Variants in CD101 observed in about 807,000 individuals in gnomAD.
CD101 encodes the protein CD101 molecule.
In CD101, 76 loss-of-function variants were observed where a neutral mutation model predicts 98.2. That is an observed-to-expected ratio of 0.77 (90% CI 0.64 to 0.94). The LOEUF is 0.94. Ranked by LOEUF, CD101 falls within the 40% of genes least tolerant of loss-of-function variation. CD101 has a pLI of 0.00. For synonymous variants in CD101, 471 were observed against 472.7 expected, an observed-to-expected ratio of 1.00 and a Z score of 0.05; for missense variants, 1,145 against 1,218.8, an observed-to-expected ratio of 0.94 and a Z score of 0.90.
At chr1:117,030,722 C>A (rs573592777) in intron 8 of CD101, among the ~76,000 whole-genome samples, 152 of 152,334 alleles carry the variant, frequency 1.0e-3, no homozygotes, top group Middle Eastern at 3.4e-3. Flanking sequence ...CTGGGATGCA[C>A]TTGTTATCAG....
intron 5 of CD101, 24 bp downstream of exon 5, chr1:117,017,497 T>C (rs1213398455): frequency 6.3e-7 from 1 of 1,584,656 alleles, no homozygotes; most frequent in Admixed American, 1.7e-5. Context: ...GAAGTCCTTT[T>C]CTGCACCTGT....
Position 117,006,684 on chromosome 1 carries a change from C to T in CD101, c.44-3166C>T, listed in dbSNP as rs1662051246. 6.6e-6 allele frequency among the ~76,000 whole-genome samples: 1 copy of T among 152,152 alleles called. No homozygotes were observed. Among genetic ancestry groups the T allele is most frequent in the African/African-American group, 2.4e-5 (1 of 41,520 alleles). On this transcript the variant is annotated intron_variant, in intron 1 of 9. Coordinates refer to ENST00000682167, the MANE Select transcript of CD101 (RefSeq NM_001256106.3). This position sits in a 1 kb window ranked among gnomAD's most constrained non-coding sequence, Gnocchi z 4.4. ...CCAAAATCCATTTCTAATGCCATCT[C>T]TTATGCCATCTCCATAAACCTATTT...
rs1317713884 is a variant in CD101 at position 117,025,709 on chromosome 1, G to T, written c.2629G>T (p.Gly877Trp). The change falls in exon 8 of 10, where the codon GGG becomes TGG. Residue 877 changes from glycine (G) to tryptophan (W), a missense_variant. By Grantham distance (184) the Gly-to-Trp change is radical. Transcript: ENST00000682167. ...HDGLLEYGEE[G>W]LRRHLHCYRS... ...TGGCTTGCTGGAGTATGGGGAAGAG[G>T]GGCTCAGGAGGCACCTGCACTGTTA... 24 of 1,614,148 alleles carry T rather than the reference G, an allele frequency of 1.5e-5. No individual in the cohort carries two copies. Among genetic ancestry groups the T allele is most frequent in the Non-Finnish European group, 2.0e-5 (24 of 1,180,028 alleles).
At position 117,033,931 on chromosome 1, in the gene CD101, C is replaced by T. The variant is rs143185342; in HGVS notation, c.2896C>T (p.Leu966=). 6.2e-7 allele frequency: 1 copy of T among 1,614,198 alleles called. No individual in the cohort carries two copies. The highest frequency in any genetic ancestry group is 1.3e-5 in the African/African-American group (1 of 75,044). The change falls in exon 9 of 10, where the codon CTG becomes TTG. Residue 966 remains leucine (L), a synonymous_variant. Coordinates refer to ENST00000682167, the MANE Select transcript of CD101 (RefSeq NM_001256106.3). The surrounding 1 kb of genome is among the most constrained non-coding windows in gnomAD (Gnocchi z 4.8). ...TTTCCTGTTCATCTGTCCCTTCGTC[C>T]TGCTCCTCCTTCTGCTCATCTCCCT... is the stretch of plus-strand genomic sequence containing the variant. ...LYFLFICPFV[L]LLLLLISLLC...
chr1:117,011,335 A>T (rs147426818), intron 2 of CD101, among the ~76,000 whole-genome samples: 17 of 152,302 alleles, frequency 1.1e-4, no homozygotes, highest in African/African-American at 4.1e-4. Context: ...CAACACATTG[A>T]TGAGGCATTT....
chr1:117,003,527 T>C (rs1299209522), intron 1 of CD101, among the ~76,000 whole-genome samples: 2 of 152,198 alleles, frequency 1.3e-5, no homozygotes, highest in Non-Finnish European at 2.9e-5. Context: ...TTGGTTAAGT[T>C]GTCTGAGTGT....
Position 117,021,761 on chromosome 1 carries a change from A to AT in CD101, c.2207dup (p.Thr738AsnfsTer4). 6.2e-7 allele frequency: 1 copy of AT among 1,614,040 alleles called. No individual in the cohort carries two copies. Among genetic ancestry groups the AT allele is most frequent in the Non-Finnish European group, 8.5e-7 (1 of 1,179,972 alleles). ...CCTGGAGATGGACCAAACCAATGTT[A>AT]TAAAAACTGGGGATGAGTTTCACAC... On this transcript the variant is annotated frameshift_variant, in exon 7 of 10. Coordinates refer to ENST00000682167, the MANE Select transcript of CD101 (RefSeq NM_001256106.3). LOFTEE classifies it high-confidence loss of function. The surrounding 1 kb of genome is among the most constrained non-coding windows in gnomAD (Gnocchi z 4.7).
In CD101 at chr1:117,018,698, TGATACCCAGGTTAACATTGA is replaced by T. The variant is rs1308093188; in HGVS notation, c.2017+140_2017+159del. ...ATCTAAGTAAGCACCACATGATGAA[TGATACCCAGGTTAACATTGA>T]GTTAGTATGCATGGGTTGGCCATAC... On this transcript the variant is annotated intron_variant, in intron 6 of 9. Transcript: ENST00000682167. The surrounding 1 kb of genome is among the most constrained non-coding windows in gnomAD (Gnocchi z 4.3). 1 of 798,110 alleles carries T rather than the reference TGATACCCAGGTTAACATTGA, an allele frequency of 1.3e-6. No homozygotes were observed. Among genetic ancestry groups the T allele is most frequent in the African/African-American group, 1.7e-5 (1 of 57,440 alleles). The allele number at this position is 798,110 out of a possible 1,614,324, so 49.4% of individuals were successfully genotyped here.
In CD101 at chr1:117,036,281, T is replaced by C. The variant is rs933851712; in HGVS notation, c.*147T>C. ...AACTTCTAGATGAACCCAAGTGAACTTTCCTCATTACCATCCTGAAGTCAC... is the reference window on the plus strand; with the variant it reads ...AACTTCTAGATGAACCCAAGTGAACCTTCCTCATTACCATCCTGAAGTCAC... On this transcript the variant is annotated 3_prime_UTR_variant, in exon 10 of 10. Transcript: ENST00000682167. The surrounding 1 kb of genome is among the most constrained non-coding windows in gnomAD (Gnocchi z 5.0). The C allele has an allele frequency of 5.3e-5, 8 of 152,234 alleles. No homozygotes were observed. Among genetic ancestry groups the C allele is most frequent in the African/African-American group, 1.9e-4 (8 of 41,430 alleles). 9.4% of individuals were successfully genotyped at this position (152,234 alleles called of 1,614,324 possible).
In CD101 at chr1:117,025,614, T is replaced by C; in HGVS notation, c.2534T>C (p.Leu845Pro). ...GAGAGTGTAGGCAGCTCAGCCACTC[T>C]GTACTCTGTGATGTGGTACTGGAAC... ...SLESVGSSAT[L>P]YSVMWYWNRE... The change falls in exon 8 of 10, where the codon CTG becomes CCG. Residue 845 changes from leucine (L) to proline (P), a missense_variant. Coordinates refer to ENST00000682167, the MANE Select transcript of CD101 (RefSeq NM_001256106.3). The C allele has an allele frequency of 3.1e-6, 5 of 1,614,122 alleles. No individual in the cohort carries two copies. Among genetic ancestry groups the C allele is most frequent in the Non-Finnish European group, 4.2e-6 (5 of 1,180,044 alleles).
intron 8 of CD101, chr1:117,026,240 C>T (rs1292444702): frequency 4.5e-6 from 1 of 222,098 alleles, no homozygotes; most frequent in African/African-American, 2.3e-5. Context: ...GGGGTGTGGT[C>T]TTGGTGCCAG....
In CD101 at chr1:117,022,141, C is replaced by T. The variant is rs368245791; in HGVS notation, c.2428+158C>T. On this transcript the variant is annotated intron_variant, in intron 7 of 9. Coordinates refer to ENST00000682167, the MANE Select transcript of CD101 (RefSeq NM_001256106.3). The surrounding 1 kb of genome is among the most constrained non-coding windows in gnomAD (Gnocchi z 4.8). ...CATGACTGCAAGACCGAGTAGTCCA[C>T]CAAAGGAGGGGAGGTCACTTAAGGC... Among the ~76,000 whole-genome samples, 3 of 152,092 alleles carry T rather than the reference C, an allele frequency of 2.0e-5. No individual in the cohort carries two copies. The highest frequency in any genetic ancestry group is 7.2e-5 in the African/African-American group (3 of 41,410).
chr1:117,017,648 G>A (rs1653321700), intron 5 of CD101, among the ~76,000 whole-genome samples, 175 bp downstream of exon 5: 3 of 152,132 alleles, frequency 2.0e-5, no homozygotes, highest in Admixed American at 2.0e-4. Flanking sequence ...CTTCATTTTT[G>A]TAAAGATCAT....
At position 117,005,591 on chromosome 1, in the gene CD101, A is replaced by C. The variant is rs1426187057; in HGVS notation, c.43+3731A>C. Among the ~76,000 whole-genome samples the C allele has an allele frequency of 6.6e-6, 1 of 152,010 alleles. No individual in the cohort carries two copies. Among genetic ancestry groups the C allele is most frequent in the African/African-American group, 2.4e-5 (1 of 41,354 alleles). ...CCCTCCATCTAACTCTTCCCTCTGTAAGTTTTGTTCCTTATCCCATCCCCT... is the reference window on the plus strand; with the variant it reads ...CCCTCCATCTAACTCTTCCCTCTGTCAGTTTTGTTCCTTATCCCATCCCCT... On this transcript the variant is annotated intron_variant, in intron 1 of 9. Coordinates refer to ENST00000682167, the MANE Select transcript of CD101 (RefSeq NM_001256106.3). The surrounding 1 kb of genome is among the most constrained non-coding windows in gnomAD (Gnocchi z 4.4).
chr1:117,021,988 AC>A lies in CD101; in HGVS notation c.2428+7del, dbSNP rs764623653. ...AATTGAAACTCAAGCCCACAGGTAA[AC>A]CTTGCGAGTGTATCCTCACAATGTC... On this transcript the variant is annotated splice_donor_region_variant and intron_variant, in intron 7 of 9. Transcript: ENST00000682167. This position sits in a 1 kb window ranked among gnomAD's most constrained non-coding sequence, Gnocchi z 4.7. 6.3e-7 allele frequency: 1 copy of A among 1,596,680 alleles called. No individual in the cohort carries two copies. Among genetic ancestry groups the A allele is most frequent in the Non-Finnish European group, 8.5e-7 (1 of 1,171,918 alleles).
At position 117,018,415 on chromosome 1, in the gene CD101, A is replaced by C; in HGVS notation, c.1872A>C (p.Gln624His). Reference sequence around the variant, plus strand: ...TGTCGCAGTCTTTATTTCGTTCACAACTCCTAGTCCATGATGCCACTGAGG... The same window carrying C: ...TGTCGCAGTCTTTATTTCGTTCACACCTCCTAGTCCATGATGCCACTGAGG... ...TKVSQSLFRSQLLVHDATEEE... is the reference protein window; with the variant it reads ...TKVSQSLFRSHLLVHDATEEE... Residue 624 changes from glutamine to histidine, a missense_variant, in exon 6 of 10, where the codon CAA becomes CAC. Coordinates refer to ENST00000682167, the MANE Select transcript of CD101 (RefSeq NM_001256106.3). The surrounding 1 kb of genome is among the most constrained non-coding windows in gnomAD (Gnocchi z 4.3). 2 of 1,614,016 alleles carry C rather than the reference A, an allele frequency of 1.2e-6. No individual in the cohort carries two copies. The highest frequency in any genetic ancestry group is 1.7e-6 in the Non-Finnish European group (2 of 1,179,992).
At chr1:117,003,072 G>C (rs183765872) in intron 1 of CD101, among the ~76,000 whole-genome samples, 1 of 152,158 alleles carries the variant, frequency 6.6e-6, no homozygotes, top group Non-Finnish European at 1.5e-5. Context: ...AACCTGGGAG[G>C]TGGAGGTTGC....
At chr1:117,011,445 C>T in intron 2 of CD101, 105 bp from the exon 3 acceptor site, 2 of 963,270 alleles carry the variant, frequency 2.1e-6, no homozygotes, top group Non-Finnish European at 3.1e-6. Flanking sequence ...GGAAAACCAA[C>T]TCAAAGTCTG....
chr1:117,020,090 T>G (rs185277317), intron 6 of CD101, among the ~76,000 whole-genome samples: 1 of 152,152 alleles, frequency 6.6e-6, no homozygotes. Flanking sequence ...TAACCTCTTC[T>G]CCATCGGAAT....
Sources: gnomAD v4.1 joint callset for allele counts (sites outside exome capture counted in the v4.1 genomes callset) on GRCh38, gnomAD v4.1.1 for gene constraint, Gnocchi (gnomAD v3.1) non-coding constraint, MANE v1.5 for transcripts, NCBI Gene and HGNC (gene_info 2026-07-23, HGNC 2026-07-21) for gene names.